The following TENM3 variants were observed in gnomAD, a reference collection of about 807,000 sequenced individuals.
The protein encoded by TENM3 is teneurin transmembrane protein 3.
A neutral mutation model predicts 255.1 loss-of-function variants in TENM3; 63 were observed. The ratio of observed to expected loss-of-function variants is 0.25; its 90% CI spans 0.20 to 0.30. The LOEUF is 0.30. Ranked by LOEUF, TENM3 falls within the 10% of genes least tolerant of loss-of-function variation. The pLI, the probability that TENM3 is intolerant of heterozygous loss-of-function variation, is 1.00. For synonymous variants in TENM3, 1,306 were observed against 1,322.3 expected (o/e 0.99, Z 0.27); for missense variants, 2,929 against 3,461.1 (o/e 0.85, Z 3.86).
chr4:181,668,928 G>A, the TENM3 span, among the ~76,000 whole-genome samples: 1 of 152,008 alleles, frequency 6.6e-6, no homozygotes, highest in Non-Finnish European at 1.5e-5. Flanking sequence ...TTTTCATTTT[G>A]TTCCTTCTCC....
the TENM3 span, among the ~76,000 whole-genome samples, chr4:181,808,630 A>G: frequency 6.6e-6 from 1 of 152,202 alleles, no homozygotes; most frequent in South Asian, 2.1e-4. Context: ...CTGCCTACAT[A>G]TTCCCTTCAA....
intron 2 of TENM3, among the ~76,000 whole-genome samples, chr4:182,339,296 T>C (rs1165370089): frequency 6.6e-6 from 1 of 152,200 alleles, no homozygotes; most frequent in Admixed American, 6.5e-5. Flanking sequence ...ACTATAAATG[T>C]CAGCGGCAGG....
At chr4:181,671,232 T>C in the TENM3 span, among the ~76,000 whole-genome samples, 3 of 152,156 alleles carry the variant, frequency 2.0e-5, no homozygotes, top group Non-Finnish European at 2.9e-5. Flanking sequence ...ATTATAAATA[T>C]GAGAGCAATT....
chr4:181,559,835 G>C, the TENM3 span, among the ~76,000 whole-genome samples: 1 of 152,214 alleles, frequency 6.6e-6, no homozygotes, highest in Non-Finnish European at 1.5e-5. Context: ...TTGCCTAGGG[G>C]CATTGAGAAA....
chr4:182,427,091 T>A (rs1025543678), intron 3 of TENM3, among the ~76,000 whole-genome samples: 1 of 152,204 alleles, frequency 6.6e-6, no homozygotes, highest in Non-Finnish European at 1.5e-5. Flanking sequence ...CTCACAATAA[T>A]GACTTTTTGG....
At chr4:182,790,456 T>A (rs1766014047) in intron 25 of TENM3, among the ~76,000 whole-genome samples, 1 of 152,122 alleles carries the variant, frequency 6.6e-6, no homozygotes, top group Non-Finnish European at 1.5e-5. Context: ...CCCTGAGCCA[T>A]CCCAACTAAT....
chr4:182,254,760 G>A (rs1224083460), intron 1 of TENM3, among the ~76,000 whole-genome samples: 1 of 152,046 alleles, frequency 6.6e-6, no homozygotes, highest in Non-Finnish European at 1.5e-5. Flanking sequence ...TGTGTGATAT[G>A]TCCTCAGTTT....
chr4:181,998,699 C>A, the TENM3 span, among the ~76,000 whole-genome samples: 1 of 152,162 alleles, frequency 6.6e-6, no homozygotes, highest in Non-Finnish European at 1.5e-5. Context: ...ACCTCTCCAG[C>A]CATTAAATCA....
chr4:182,473,618 A>G (rs1326541737), intron 3 of TENM3, among the ~76,000 whole-genome samples: 2 of 152,128 alleles, frequency 1.3e-5, no homozygotes, highest in Non-Finnish European at 2.9e-5. Flanking sequence ...GCTTGCAGTG[A>G]GCCGAGATCG....
intron 1 of TENM3, among the ~76,000 whole-genome samples, chr4:182,166,513 G>A (rs995738350): frequency 1.4e-4 from 22 of 152,178 alleles, no homozygotes; most frequent in African/African-American, 5.3e-4. Flanking sequence ...GCTGCCAAGC[G>A]GATCTTTGTG....
the TENM3 span, among the ~76,000 whole-genome samples, chr4:181,780,333 C>T: frequency 6.6e-6 from 1 of 152,146 alleles, no homozygotes; most frequent in Non-Finnish European, 1.5e-5. Flanking sequence ...GCCATTCTAA[C>T]TGGTGTGAGA....
At chr4:182,151,486 T>C (rs936481591) in intron 1 of TENM3, among the ~76,000 whole-genome samples, 2 of 152,080 alleles carry the variant, frequency 1.3e-5, no homozygotes, top group Non-Finnish European at 2.9e-5. Flanking sequence ...GACTGGTTCT[T>C]TTAAATAGCT....
chr4:182,370,721 A>G (rs1052283463), intron 3 of TENM3, among the ~76,000 whole-genome samples: 5 of 152,176 alleles, frequency 3.3e-5, no homozygotes, highest in African/African-American at 9.7e-5. Flanking sequence ...TTAAAACGCA[A>G]TCTGGAGCAG....
intron 3 of TENM3, among the ~76,000 whole-genome samples, chr4:182,581,897 T>G (rs2152361404): frequency 6.6e-6 from 1 of 152,310 alleles, no homozygotes; most frequent in African/African-American, 2.4e-5. Context: ...TTTTAGAGAT[T>G]TTTTTAACCT....
intron 1 of TENM3, among the ~76,000 whole-genome samples, chr4:182,154,870 T>A (rs1750595685): frequency 6.6e-6 from 1 of 152,096 alleles, no homozygotes; most frequent in Non-Finnish European, 1.5e-5. Flanking sequence ...TCATGGATTT[T>A]AAAAAAGAAA....
At chr4:182,674,706 G>A (rs568373696) in intron 7 of TENM3, among the ~76,000 whole-genome samples, 1 of 152,128 alleles carries the variant, frequency 6.6e-6, no homozygotes, top group Non-Finnish European at 1.5e-5. Flanking sequence ...CTCCTGGGTA[G>A]CTGGGACTAC....
the TENM3 span, among the ~76,000 whole-genome samples, chr4:181,586,432 A>G: frequency 6.6e-6 from 1 of 152,210 alleles, no homozygotes; most frequent in Non-Finnish European, 1.5e-5. Context: ...CAATGAGTCC[A>G]AGGAAAGCAG....
intron 3 of TENM3, among the ~76,000 whole-genome samples, chr4:182,407,944 A>G (rs1769699135): frequency 6.6e-6 from 1 of 152,236 alleles, no homozygotes; most frequent in Admixed American, 6.5e-5. Flanking sequence ...ACATAATTAT[A>G]TATGCACTTA....
intron 1 of TENM3, among the ~76,000 whole-genome samples, chr4:182,251,031 C>A (rs1757978223): frequency 6.6e-6 from 1 of 152,216 alleles, no homozygotes; most frequent in South Asian, 2.1e-4. Context: ...CCTTTCCCAC[C>A]AATCAGCAGA....
Sources: gnomAD v4.1 joint callset for allele counts (sites outside exome capture counted in the v4.1 genomes callset) on GRCh38, gnomAD v4.1.1 for gene constraint, MANE v1.5 for transcripts, NCBI Gene and HGNC (gene_info 2026-07-23, HGNC 2026-07-21) for gene names.